The following CSMD1 variants were observed in gnomAD, a reference collection of about 807,000 sequenced individuals.
CSMD1 encodes the protein CUB and sushi domain-containing protein 1.
CSMD1 carries 213 observed loss-of-function variants against 417.5 expected under a neutral mutation model. The ratio of observed to expected loss-of-function variants is 0.51; its 90% CI spans 0.46 to 0.57. The LOEUF (loss-of-function observed/expected upper bound fraction) is 0.57. Among genes scored for constraint, CSMD1 ranks in the 20% least tolerant of loss-of-function variants. CSMD1 has a pLI of 0.00. For synonymous variants in CSMD1, 2,862 were observed against 1,736.8 expected (o/e 1.65, Z -16.11); for missense variants, 6,923 against 4,529.7 (o/e 1.53, Z -15.17).
chr8:4,816,936 G>A (rs780654829), intron 1 of CSMD1, among the ~76,000 whole-genome samples: 1 of 152,116 alleles, frequency 6.6e-6, no homozygotes, highest in Non-Finnish European at 1.5e-5. Context: ...CTGCCAGAAA[G>A]GGAATTGCAT....
At chr8:4,209,464 C>G (rs1800177125) in intron 3 of CSMD1, among the ~76,000 whole-genome samples, 2 of 152,184 alleles carry the variant, frequency 1.3e-5, no homozygotes, top group Non-Finnish European at 2.9e-5. Flanking sequence ...ATTGTCACAT[C>G]TGCTAGTTCC....
At chr8:4,091,858 T>A (rs894452312) in intron 3 of CSMD1, among the ~76,000 whole-genome samples, 1 of 152,152 alleles carries the variant, frequency 6.6e-6, no homozygotes, top group Non-Finnish European at 1.5e-5. Flanking sequence ...ACAACAGAAT[T>A]TTAACAAAAT....
chr8:3,076,177 T>C (rs528172326), intron 49 of CSMD1, among the ~76,000 whole-genome samples: 111 of 152,352 alleles, frequency 7.3e-4, no homozygotes, highest in African/African-American at 2.6e-3. Context: ...CTCACAGTCC[T>C]GGAGGCCGGA....
chr8:4,276,214 A>G (rs117523389), intron 3 of CSMD1, among the ~76,000 whole-genome samples: 2,967 of 152,328 alleles, frequency 0.019, 48 homozygotes, highest in Non-Finnish European at 0.028. Flanking sequence ...AAGACCTGGA[A>G]CTAACGCAAA....
chr8:3,399,277 C>A (rs1028445673), intron 16 of CSMD1, 114 bp downstream of exon 16: 46 of 916,538 alleles, frequency 5.0e-5, no homozygotes, highest in Non-Finnish European at 7.2e-5. Context: ...AAAGTGTGCT[C>A]CTATGCGGGA....
rs959765080 is a variant in CSMD1, at chr8:3,311,549, G to C, written c.3632-3046C>G. On this transcript the variant is annotated intron_variant, in intron 23 of 69. Coordinates refer to ENST00000635120, the MANE Select transcript of CSMD1 (RefSeq NM_033225.6). Reference sequence around the variant, plus strand: ...ATAAGCATGAGTCTAATCAGCTAGAGAGTCAACACTTTCTTACAAAACAAG... The same window carrying C: ...ATAAGCATGAGTCTAATCAGCTAGACAGTCAACACTTTCTTACAAAACAAG... Among the ~76,000 whole-genome samples the C allele has an allele frequency of 2.0e-5, 3 of 152,078 alleles. No individual in the cohort carries two copies. In the South Asian group the frequency reaches 6.2e-4, roughly 31 times the overall value.
intron 23 of CSMD1, among the ~76,000 whole-genome samples, chr8:3,339,765 C>T (rs1197120608): frequency 6.6e-6 from 1 of 152,154 alleles, no homozygotes; most frequent in African/African-American, 2.4e-5. Flanking sequence ...ACAGATCACA[C>T]ATCTGTGTAA....
chr8:4,596,533 A>C (rs554265131), intron 2 of CSMD1, among the ~76,000 whole-genome samples: 69 of 150,240 alleles, frequency 4.6e-4, no homozygotes, highest in African/African-American at 1.7e-3. Flanking sequence ...GTATTTTCTC[A>C]CCAAGCTATA....
At chr8:3,369,656 C>T (rs1418928175) in intron 18 of CSMD1, among the ~76,000 whole-genome samples, 2 of 152,198 alleles carry the variant, frequency 1.3e-5, no homozygotes, top group Admixed American at 6.5e-5. Flanking sequence ...AGACATGGTA[C>T]AGGTTTGCAC....
At chr8:3,379,431 T>C (rs553038324) in intron 18 of CSMD1, among the ~76,000 whole-genome samples, 2 of 152,122 alleles carry the variant, frequency 1.3e-5, no homozygotes, top group South Asian at 4.2e-4. Context: ...AAAGAGCCCA[T>C]ATAGCCAAAT....
chr8:4,703,543 C>T (rs1807723233), intron 1 of CSMD1, among the ~76,000 whole-genome samples: 1 of 151,736 alleles, frequency 6.6e-6, no homozygotes, highest in South Asian at 2.1e-4. Context: ...ATCAATTTTG[C>T]AAGGAATTAG....
chr8:3,526,736 GTTAC>G (rs1797769323), intron 10 of CSMD1, among the ~76,000 whole-genome samples: 1 of 152,270 alleles, frequency 6.6e-6, no homozygotes, highest in Non-Finnish European at 1.5e-5. Context: ...CCTTCAATAA[GTTAC>G]TTACCCTCAT....
At chr8:4,078,116 G>C (rs1003271618) in intron 3 of CSMD1, among the ~76,000 whole-genome samples, 2 of 151,998 alleles carry the variant, frequency 1.3e-5, no homozygotes, top group African/African-American at 4.8e-5. Context: ...TAATTTACAT[G>C]GAAAGTGCTA....
chr8:4,685,785 C>T (rs924014309), intron 1 of CSMD1, among the ~76,000 whole-genome samples: 2 of 152,058 alleles, frequency 1.3e-5, no homozygotes, highest in Non-Finnish European at 2.9e-5. Flanking sequence ...TTTATTAGGT[C>T]GGTGCAAAAG....
intron 5 of CSMD1, among the ~76,000 whole-genome samples, chr8:3,808,679 C>T (rs1397765072): frequency 2.6e-5 from 4 of 152,164 alleles, no homozygotes; most frequent in African/African-American, 7.2e-5. Flanking sequence ...TAGGATATTT[C>T]TGAGGTTTGG....
intron 23 of CSMD1, among the ~76,000 whole-genome samples, chr8:3,313,156 C>T (rs1173045977): frequency 6.6e-6 from 1 of 152,014 alleles, no homozygotes; most frequent in African/African-American, 2.4e-5. Context: ...GACCTAAAAC[C>T]ATAAAAACTC....
In CSMD1 at chr8:3,831,135, T is replaced by C. The variant is rs116633768; in HGVS notation, c.819-77093A>G. Among the ~76,000 whole-genome samples the C allele has an allele frequency of 2.4e-3, 372 of 152,328 alleles. 3 individuals are homozygous for C. The highest frequency in any genetic ancestry group is 8.6e-3 in the African/African-American group (358 of 41,582). ...TTAAATGTTAACAATATTTCACAAA[T>C]GCTTTCACAATTCAAAAGAAACCCA... On this transcript the variant is annotated intron_variant, in intron 5 of 69. Coordinates refer to ENST00000635120, the MANE Select transcript of CSMD1 (RefSeq NM_033225.6).
At chr8:4,390,525 A>ATTTATTTATTTATTTATTTT (rs1803777435) in intron 3 of CSMD1, among the ~76,000 whole-genome samples, 2 of 150,724 alleles carry the variant, frequency 1.3e-5, no homozygotes, top group South Asian at 2.1e-4. Context: ...TTATTTATTT[A>ATTTATTTATTTATTTATTTT]TTTTTTGAGA....
intron 1 of CSMD1, among the ~76,000 whole-genome samples, chr8:4,647,152 G>T (rs1009485822): frequency 2.0e-5 from 3 of 151,918 alleles, no homozygotes; most frequent in African/African-American, 7.3e-5. Flanking sequence ...ATCACAAATG[G>T]GTTCATATCC....
Sources: allele counts gnomAD v4.1 joint callset (sites outside exome capture counted in the v4.1 genomes callset), GRCh38; gene constraint gnomAD v4.1.1; transcripts MANE v1.5; gene names NCBI Gene and HGNC (gene_info 2026-07-23, HGNC 2026-07-21).